DCAF8L2: variants seen among roughly 807,000 people sequenced by gnomAD.
The protein encoded by DCAF8L2 is DDB1- and CUL4-associated factor 8-like protein 2.
For synonymous variants in DCAF8L2, 200 were observed against 190.9 expected (o/e 1.05, Z -0.39); for missense variants, 430 against 490.7 (o/e 0.88, Z 1.17).
At chrX:27,742,341 G>A (rs986599146) in intron 4 of DCAF8L2, among the ~76,000 whole-genome samples, 1 of 111,322 alleles carries the variant, frequency 9.0e-6, no homozygotes, top group African/African-American at 3.3e-5. Flanking sequence ...GGCCGAGGTG[G>A]ACGGATCACC....
chrX:27,748,772 T>C lies in DCAF8L2; in HGVS notation c.1877T>C (p.Val626Ala), dbSNP rs771157842. 5 of 1,202,107 alleles carry C rather than the reference T, an allele frequency of 4.2e-6. No homozygotes were observed. The highest frequency in any genetic ancestry group is 5.6e-6 in the Non-Finnish European group (5 of 889,599). ...TCTGAGGAGGAGGTCCAAGACCGAG[T>C]GCAGTGCATGCCATCCTGAAGGCCT... ...ETSEEEVQDR[V>A]QCMPS Residue 626 changes from valine to alanine, a missense_variant, in exon 5 of 5, where the codon GTG becomes GCG. Val to Ala is a moderately conservative substitution (Grantham distance 64). Transcript: ENST00000451261.
chrX:27,650,739 A>C (rs1275515085), intron 2 of DCAF8L2, among the ~76,000 whole-genome samples: 4 of 111,957 alleles, frequency 3.6e-5, no homozygotes, highest in Non-Finnish European at 7.5e-5. Flanking sequence ...ATTTTCCATG[A>C]AGAGATATAG....
the DCAF8L2 span, among the ~76,000 whole-genome samples, chrX:27,536,141 T>TAA: frequency 5.3e-5 from 6 of 112,322 alleles, no homozygotes; most frequent in Admixed American, 4.7e-4. Flanking sequence ...AAAATGTACT[T>TAA]ATCACCTTTT....
chrX:27,540,895 T>C, the DCAF8L2 span, among the ~76,000 whole-genome samples: 1 of 111,496 alleles, frequency 9.0e-6, no homozygotes, highest in African/African-American at 3.3e-5. Flanking sequence ...TTTAGAAAAA[T>C]AATACACACA....
At position 27,646,926 on chromosome X, in the gene DCAF8L2, TG is replaced by T. The variant is rs752783073; in HGVS notation, c.-220+14927del. The stretch of plus-strand genomic sequence containing the variant: ...AAGAAACAACAAATGCTGGCGAGGT[TG>T]TGGAGAAATAGGAATGCTTTTATGC... On this transcript the variant is annotated intron_variant, in intron 2 of 4. Coordinates refer to ENST00000451261, the MANE Select transcript of DCAF8L2 (RefSeq NM_001353450.2). 1.3e-4 allele frequency among the ~76,000 whole-genome samples: 14 copies of T among 111,583 alleles called. No homozygotes were observed. In the South Asian group the frequency reaches 5.3e-3, roughly 42 times the overall value.
chrX:27,637,059 A>G lies in DCAF8L2; in HGVS notation c.-220+5059A>G, dbSNP rs192922663. ...CTCAGTTTAAAGGTTCTCCGAAATT[A>G]GAAAGCCATTTCACTTTCTGAGCAG... On this transcript the variant is annotated intron_variant, in intron 2 of 4. Coordinates refer to ENST00000451261, the MANE Select transcript of DCAF8L2 (RefSeq NM_001353450.2). Among the ~76,000 whole-genome samples, 12 of 112,132 alleles carry G rather than the reference A, an allele frequency of 1.1e-4. No individual in the cohort carries two copies. In the Admixed American group the frequency reaches 1.1e-3, roughly 11 times the overall value.
At chrX:27,621,886 C>T (rs1927777592) in intron 1 of DCAF8L2, among the ~76,000 whole-genome samples, 1 of 109,939 alleles carries the variant, frequency 9.1e-6, no homozygotes, top group South Asian at 4.0e-4. Context: ...CCCAGCTACT[C>T]AGGAGGCTGA....
intron 3 of DCAF8L2, among the ~76,000 whole-genome samples, chrX:27,690,519 C>T (rs1295988419): frequency 9.0e-6 from 1 of 110,776 alleles, no homozygotes; most frequent in Non-Finnish European, 1.9e-5. Flanking sequence ...TACCAGAGTT[C>T]GGCACTCTTG....
At chrX:27,665,012 A>G (rs969445326) in intron 2 of DCAF8L2, among the ~76,000 whole-genome samples, 3 of 111,265 alleles carry the variant, frequency 2.7e-5, no homozygotes, top group African/African-American at 9.8e-5. Flanking sequence ...ACCTGCTAAC[A>G]ACACCCATTC....
the DCAF8L2 span, among the ~76,000 whole-genome samples, chrX:27,556,822 T>A: frequency 8.9e-6 from 1 of 112,100 alleles, no homozygotes; most frequent in African/African-American, 3.2e-5. Flanking sequence ...GGACAGGTCA[T>A]CCGTGCTTTT....
chrX:27,616,616 A>G (rs767261840), intron 1 of DCAF8L2, among the ~76,000 whole-genome samples: 2 of 111,622 alleles, frequency 1.8e-5, no homozygotes, highest in East Asian at 2.8e-4. Flanking sequence ...CAATGTCATT[A>G]GTTTTTCTTT....
chrX:27,747,253 A>G lies in DCAF8L2; in HGVS notation c.358A>G (p.Ile120Val). 1 of 1,135,129 alleles carries G rather than the reference A, an allele frequency of 8.8e-7. No individual in the cohort carries two copies. Among genetic ancestry groups the G allele is most frequent in the Non-Finnish European group, 1.2e-6 (1 of 856,772 alleles). 93.5% of individuals were successfully genotyped at this position (1,135,129 alleles called of 1,213,427 possible). Residue 120 changes from isoleucine to valine, a missense_variant, in exon 5 of 5, where the codon ATA becomes GTA. Ile to Val is a conservative substitution (Grantham distance 29). Transcript: ENST00000451261. ...AGAAAGGGAGGAGGAAGACGAAGAG[A>G]TACAAGAGGAGGGAGGGGAGGAGGA... ...ETEREEEDEEIQEEGGEEEEE... is the reference protein window; with the variant it reads ...ETEREEEDEEVQEEGGEEEEE...
chrX:27,560,996 CT>C, the DCAF8L2 span, among the ~76,000 whole-genome samples: 1 of 112,277 alleles, frequency 8.9e-6, no homozygotes, highest in African/African-American at 3.2e-5. Context: ...CTTTTCAAAG[CT>C]GGCAGCCTTT....
intron 1 of DCAF8L2, among the ~76,000 whole-genome samples, chrX:27,592,425 T>TG (rs1393976515): frequency 7.4e-5 from 8 of 108,263 alleles, no homozygotes; most frequent in African/African-American, 2.3e-4. Context: ...TTGTTTTTTT[T>TG]TTTTTTGGTT....
At chrX:27,679,562 C>A (rs1205462379) in intron 3 of DCAF8L2, among the ~76,000 whole-genome samples, 4 of 110,979 alleles carry the variant, frequency 3.6e-5, no homozygotes, top group African/African-American at 1.3e-4. Context: ...TCATGACAAG[C>A]AGCTGGGGTC....
chrX:27,583,341 T>C, the DCAF8L2 span, among the ~76,000 whole-genome samples: 1 of 111,951 alleles, frequency 8.9e-6, no homozygotes, highest in East Asian at 2.8e-4. Flanking sequence ...TCAAGACTCA[T>C]CTTGTATTTT....
At chrX:27,602,735 T>C (rs1246161297) in intron 1 of DCAF8L2, among the ~76,000 whole-genome samples, 1 of 111,979 alleles carries the variant, frequency 8.9e-6, no homozygotes. Flanking sequence ...TGTGTTGTTA[T>C]GACTGAAATT....
At chrX:27,603,936 C>T in intron 1 of DCAF8L2, among the ~76,000 whole-genome samples, 1 of 111,673 alleles carries the variant, frequency 9.0e-6, no homozygotes, top group Non-Finnish European at 1.9e-5. Flanking sequence ...GCTATTGGCA[C>T]TCATATCTTT....
At chrX:27,588,454 T>C (rs1288589439), upstream of DCAF8L2, among the ~76,000 whole-genome samples, 1 of 111,277 alleles carries the variant, frequency 9.0e-6, no homozygotes, top group African/African-American at 3.3e-5. Context: ...GCAATGAACA[T>C]AGGGTGCAGG....
Sources: allele counts gnomAD v4.1 joint callset (sites outside exome capture counted in the v4.1 genomes callset), GRCh38; gene constraint gnomAD v4.1.1; transcripts MANE v1.5; gene names NCBI Gene and HGNC (gene_info 2026-07-23, HGNC 2026-07-21).